The following PHF20 variants were observed in gnomAD, a reference collection of about 807,000 sequenced individuals.
PHF20 encodes the protein PHD finger protein 20, also known as glioma-expressed antigen 2.
In PHF20, 23 loss-of-function variants were observed where a neutral mutation model predicts 113.5. The ratio of observed to expected loss-of-function variants is 0.20; its 90% CI spans 0.15 to 0.29. The LOEUF is 0.29. Ranked by LOEUF, PHF20 falls within the 10% of genes least tolerant of loss-of-function variation. The pLI is 1.00. For missense variants in PHF20, 943 were observed against 1,219.6 expected, an observed-to-expected ratio of 0.77 and a Z score of 3.38; for synonymous variants, 434 against 457.3, an observed-to-expected ratio of 0.95 and a Z score of 0.65.
chr20:35,891,671 T>C (rs983222778), intron 9 of PHF20, among the ~76,000 whole-genome samples: 1 of 152,160 alleles, frequency 6.6e-6, no homozygotes, highest in Non-Finnish European at 1.5e-5. Context: ...TTATTGTGCA[T>C]ACAGAGGGCT....
intron 3 of PHF20, among the ~76,000 whole-genome samples, chr20:35,845,874 C>A (rs1336371571): frequency 6.7e-6 from 1 of 148,996 alleles, no homozygotes; most frequent in Non-Finnish European, 1.5e-5. Flanking sequence ...CTTTCGGGTT[C>A]AAGTGATTCT....
chr20:35,892,190 T>TG (rs944013361), intron 9 of PHF20, among the ~76,000 whole-genome samples: 1 of 151,310 alleles, frequency 6.6e-6, no homozygotes, highest in Non-Finnish European at 1.5e-5. Context: ...CCCGAGTAGA[T>TG]GGGACTACAG....
At chr20:35,834,416 T>TA (rs1463293744) in intron 2 of PHF20, among the ~76,000 whole-genome samples, 1 of 151,906 alleles carries the variant, frequency 6.6e-6, no homozygotes, top group Non-Finnish European at 1.5e-5. Context: ...CACACCCAGC[T>TA]AATTTTGTAT....
intron 1 of PHF20, among the ~76,000 whole-genome samples, chr20:35,797,744 T>TG (rs374872838): frequency 8.1e-4 from 122 of 149,782 alleles, no homozygotes; most frequent in African/African-American, 2.9e-3. Flanking sequence ...CTCCGCCTCC[T>TG]GGGTTCAAGT....
intron 10 of PHF20, among the ~76,000 whole-genome samples, chr20:35,906,083 G>A (rs537589128): frequency 1.3e-5 from 2 of 152,306 alleles, no homozygotes; most frequent in Middle Eastern, 3.4e-3. Context: ...GTCAAAGAGG[G>A]CCTCTCCTGT....
chr20:35,787,158 A>AT (rs2041436881), intron 1 of PHF20, among the ~76,000 whole-genome samples: 10 of 143,836 alleles, frequency 7.0e-5, no homozygotes, highest in African/African-American at 2.6e-4. Context: ...TGCCTGGCTA[A>AT]TTATTTATTT....
intron 1 of PHF20, among the ~76,000 whole-genome samples, chr20:35,792,135 G>A (rs550766981): frequency 2.0e-5 from 3 of 152,204 alleles, no homozygotes; most frequent in East Asian, 3.9e-4. Flanking sequence ...CTTGCAGAAA[G>A]CATTTCAAGT....
chr20:35,931,087 A>G (rs950415568), intron 14 of PHF20, among the ~76,000 whole-genome samples, 162 bp from the exon 15 acceptor site: 11 of 152,238 alleles, frequency 7.2e-5, no homozygotes, highest in East Asian at 1.9e-4. Context: ...AGAGCCCAGC[A>G]TATGGTAGGT....
chr20:35,782,726 C>T (rs567140336), intron 1 of PHF20: 2 of 152,186 alleles, frequency 1.3e-5, no homozygotes, highest in African/African-American at 4.8e-5. Context: ...CCTCTTGAAC[C>T]TTTCATTGTG....
At chr20:35,779,903 C>T (rs944490159) in intron 1 of PHF20, among the ~76,000 whole-genome samples, 1 of 152,136 alleles carries the variant, frequency 6.6e-6, no homozygotes, top group African/African-American at 2.4e-5. Context: ...GGGCATTTTA[C>T]AATAATGATA....
intron 9 of PHF20, among the ~76,000 whole-genome samples, chr20:35,874,017 G>T (rs2054473933): frequency 6.6e-6 from 1 of 152,238 alleles, no homozygotes; most frequent in Admixed American, 6.5e-5. Flanking sequence ...TTGTTGCCCA[G>T]GTGGAGTGCA....
chr20:35,904,873 T>G (rs967347238), intron 10 of PHF20, among the ~76,000 whole-genome samples: 1 of 151,736 alleles, frequency 6.6e-6, no homozygotes, highest in African/African-American at 2.4e-5. Flanking sequence ...TTGCCCAGGC[T>G]GGAGTGCAAT....
intron 1 of PHF20, among the ~76,000 whole-genome samples, chr20:35,788,945 A>G (rs922049365): frequency 2.6e-5 from 4 of 152,178 alleles, no homozygotes; most frequent in East Asian, 1.9e-4. Context: ...GGGGATGCCT[A>G]TGAGGAGTTA....
intron 2 of PHF20, among the ~76,000 whole-genome samples, chr20:35,804,634 A>C (rs1388140066): frequency 6.6e-6 from 1 of 151,886 alleles, no homozygotes; most frequent in African/African-American, 2.4e-5. Flanking sequence ...GGCCTCCCAA[A>C]GTGCTGGGAT....
rs1313141828 is a variant in PHF20 at position 35,850,377 on chromosome 20, C to T, written c.340+2943C>T. ...AGGCTGGAGTGCAGTGGCACAATCTCTGCTCACTGCAACCTCCACCTCCTG... is the reference window on the plus strand; with the variant it reads ...AGGCTGGAGTGCAGTGGCACAATCTTTGCTCACTGCAACCTCCACCTCCTG... On this transcript the variant is annotated intron_variant, in intron 4 of 17. Coordinates refer to ENST00000374012, the MANE Select transcript of PHF20 (RefSeq NM_016436.5). Among the ~76,000 whole-genome samples, 3 of 131,638 alleles carry T rather than the reference C, an allele frequency of 2.3e-5. No individual in the cohort carries two copies. The Admixed American group carries it at 2.6e-4, about 12-fold the overall frequency. The allele number at this position is 131,638 out of a possible 152,430, so 86.4% of individuals were successfully genotyped here.
chr20:35,884,332 G>A (rs1170637931), intron 9 of PHF20, among the ~76,000 whole-genome samples: 1 of 152,190 alleles, frequency 6.6e-6, no homozygotes, highest in Admixed American at 6.5e-5. Context: ...AAATTGGTGT[G>A]AAGGAGGCTC....
intron 2 of PHF20, among the ~76,000 whole-genome samples, chr20:35,824,461 G>T (rs966655307): frequency 1.3e-5 from 2 of 151,934 alleles, no homozygotes; most frequent in African/African-American, 4.8e-5. Flanking sequence ...ACAAAAATTA[G>T]CTGGGTGTGG....
intron 2 of PHF20, among the ~76,000 whole-genome samples, chr20:35,820,958 G>T (rs1934586328): frequency 6.6e-6 from 1 of 152,038 alleles, no homozygotes; most frequent in South Asian, 2.1e-4. Context: ...GAGCAAGCAG[G>T]GCATTCAAGC....
At chr20:35,941,998 G>A (rs1259022245) in intron 17 of PHF20, among the ~76,000 whole-genome samples, 2 of 152,158 alleles carry the variant, frequency 1.3e-5, no homozygotes, top group African/African-American at 4.8e-5. Context: ...GGAGGACAGT[G>A]AGAGAGACAG....
Sources: gnomAD v4.1 joint callset for allele counts (sites outside exome capture counted in the v4.1 genomes callset) on GRCh38, gnomAD v4.1.1 for gene constraint, MANE v1.5 for transcripts, NCBI Gene and HGNC (gene_info 2026-07-23, HGNC 2026-07-21) for gene names.